Variants in CRYBG1 observed in about 807,000 individuals in gnomAD.
The protein encoded by CRYBG1 is beta/gamma crystallin domain-containing protein 1.
In CRYBG1, 139 loss-of-function variants were observed where a neutral mutation model predicts 189.2. The observed-to-expected ratio is 0.73, with a 90% CI of 0.64 to 0.85. The LOEUF is 0.85. Ranked by LOEUF, CRYBG1 falls within the 40% of genes least tolerant of loss-of-function variation. The pLI is 0.00. For missense variants in CRYBG1, 2,611 were observed against 2,675.8 expected (o/e 0.98, Z 0.53); for synonymous variants, 1,023 against 1,017.1 (o/e 1.01, Z -0.11).
intron 2 of CRYBG1, among the ~76,000 whole-genome samples, chr6:106,452,558 G>T (rs992039479): frequency 2.6e-5 from 4 of 152,046 alleles, no homozygotes; most frequent in African/African-American, 9.7e-5. Context: ...TTAATGCAAA[G>T]GCATACAGAT....
At chr6:106,518,962 AAC>A (rs796643112) in intron 3 of CRYBG1, among the ~76,000 whole-genome samples, 167 bp from the exon 4 acceptor site, 114 of 109,698 alleles carry the variant, frequency 1.0e-3, no homozygotes, top group African/African-American at 4.1e-3. Context: ...TTGTCTTAAA[AAC>A]ACATGTGTGC....
At chr6:106,433,302 A>G (rs796730451) in intron 1 of CRYBG1, among the ~76,000 whole-genome samples, 2 of 152,218 alleles carry the variant, frequency 1.3e-5, no homozygotes, top group Non-Finnish European at 2.9e-5. Flanking sequence ...ATATAAGACA[A>G]TCTTCATACT....
intron 16 of CRYBG1, 45 bp from the exon 17 acceptor site, chr6:106,555,723 T>G: frequency 6.2e-7 from 1 of 1,601,658 alleles, no homozygotes; most frequent in Non-Finnish European, 8.5e-7. Context: ...ATAGGAGTGC[T>G]CAAGTTGCAT....
At chr6:106,504,665 A>ATG (rs1442914355) in intron 2 of CRYBG1, among the ~76,000 whole-genome samples, 1 of 21,420 alleles carries the variant, frequency 4.7e-5, no homozygotes, top group Non-Finnish European at 1.1e-4. Flanking sequence ...GTGTGTGTAT[A>ATG]TGTGTGTGTG....
chr6:106,475,951 C>A (rs1314741418), intron 2 of CRYBG1, among the ~76,000 whole-genome samples: 1 of 152,168 alleles, frequency 6.6e-6, no homozygotes, highest in Non-Finnish European at 1.5e-5. Flanking sequence ...CCACTGTGAA[C>A]AAATGATAGA....
At chr6:106,382,335 A>G (rs1190652833) in intron 1 of CRYBG1, among the ~76,000 whole-genome samples, 1 of 152,232 alleles carries the variant, frequency 6.6e-6, no homozygotes, top group East Asian at 1.9e-4. Context: ...TCTTCTTTTG[A>G]TAGAGAAAGA....
chr6:106,450,265 A>C (rs1178817257), intron 1 of CRYBG1, among the ~76,000 whole-genome samples: 1 of 151,540 alleles, frequency 6.6e-6, no homozygotes, highest in Non-Finnish European at 1.5e-5. Context: ...AATTATGCCC[A>C]TCTATATCTC....
intron 2 of CRYBG1, among the ~76,000 whole-genome samples, chr6:106,463,239 GAAAA>G (rs59862615): frequency 7.2e-6 from 1 of 139,244 alleles, no homozygotes; most frequent in Non-Finnish European, 1.6e-5. Flanking sequence ...AGGCAGGAAA[GAAAA>G]AAAAAAAAAC....
At chr6:106,436,290 A>G (rs895848504) in intron 1 of CRYBG1, among the ~76,000 whole-genome samples, 1 of 114,872 alleles carries the variant, frequency 8.7e-6, no homozygotes, top group Admixed American at 9.5e-5. Context: ...GTTGACATGC[A>G]ATCTCTTTTT....
chr6:106,516,656 T>C (rs1301663898), intron 3 of CRYBG1, among the ~76,000 whole-genome samples: 2 of 152,182 alleles, frequency 1.3e-5, no homozygotes, highest in Non-Finnish European at 2.9e-5. Flanking sequence ...ATGGATCTCA[T>C]GATAATTCAC....
intron 1 of CRYBG1, among the ~76,000 whole-genome samples, chr6:106,384,006 T>C (rs992854675): frequency 3.3e-5 from 5 of 152,324 alleles, no homozygotes; most frequent in Admixed American, 6.5e-5. Flanking sequence ...AAGCAAGTCT[T>C]CCTGCAGATG....
rs777426700 is a variant in CRYBG1 at position 106,512,333 on chromosome 6, T to A, written c.1216T>A (p.Trp406Arg). 1.9e-6 allele frequency: 3 copies of A among 1,609,896 alleles called. No individual in the cohort carries two copies. The East Asian group carries it at 6.7e-5, about 36-fold the overall frequency. ...TCCCAGAGCGGAAGATTGCGGTGAC[T>A]GGGACGACATGGAGAAGAGGTCCAG... is the stretch of plus-strand genomic sequence containing the variant. ...ITPRAEDCGDWDDMEKRSSGR... is the reference protein window; with the variant it reads ...ITPRAEDCGDRDDMEKRSSGR... Residue 406 changes from tryptophan (W) to arginine (R), a missense_variant, in exon 3 of 22, where the codon TGG becomes AGG. By Grantham distance (101) the Trp-to-Arg change is moderately radical. Transcript: ENST00000633556.
chr6:106,561,566 GCTTTTGAT>G, intron 20 of CRYBG1, 66 bp downstream of exon 20: 1 of 1,514,732 alleles, frequency 6.6e-7, no homozygotes, highest in Non-Finnish European at 8.9e-7. Flanking sequence ...CCTTTCATAT[GCTTTTGAT>G]CTTTTCTTCA....
chr6:106,425,123 G>T (rs75468013), intron 1 of CRYBG1, among the ~76,000 whole-genome samples: 2,544 of 152,132 alleles, frequency 0.017, 32 homozygotes, highest in South Asian at 0.043. Context: ...GCTCCTCCTG[G>T]CTCTTTCCAG....
chr6:106,365,450 C>A (rs1317533974), intron 1 of CRYBG1, among the ~76,000 whole-genome samples: 4 of 23,882 alleles, frequency 1.7e-4, no homozygotes, highest in Non-Finnish European at 5.5e-4. Context: ...CGAAACAAAA[C>A]CAAAAAAAAA....
intron 2 of CRYBG1, among the ~76,000 whole-genome samples, chr6:106,490,091 A>G (rs963448856): frequency 2.0e-5 from 3 of 152,246 alleles, no homozygotes; most frequent in Non-Finnish European, 2.9e-5. Context: ...TCCTTAGTCC[A>G]CATTACAGTT....
rs10526546 is a variant in CRYBG1 at position 106,422,321 on chromosome 6, G to GTTAT, written c.174-29350_174-29347dup. On this transcript the variant is annotated intron_variant, in intron 1 of 21. Transcript: ENST00000633556. ...CTAATCAAAATCCCAATAGGGTTTT[G>GTTAT]TTATTTATTTATTTATTTATTTATT... Among the ~76,000 whole-genome samples the GTTAT allele has an allele frequency of 8.4e-3, 1,191 of 142,494 alleles. 28 individuals are homozygous for GTTAT. The highest frequency in any genetic ancestry group is 0.029 in the African/African-American group (1,083 of 37,334). The allele number at this position is 142,494 out of a possible 152,430, so 93.5% of individuals were successfully genotyped here. A position where few individuals can be genotyped will look rare whatever the true frequency, so the allele number is the denominator to read the frequency against.
In CRYBG1 at chr6:106,423,168, T is replaced by C. The variant is rs188259634; in HGVS notation, c.174-28526T>C. Among the ~76,000 whole-genome samples, 8 of 151,988 alleles carry C rather than the reference T, an allele frequency of 5.3e-5. No individual in the cohort carries two copies. In the East Asian group the frequency reaches 1.5e-3, roughly 29 times the overall value. The stretch of plus-strand genomic sequence containing the variant: ...ATGAATTGACTTCAGAGAATCACAG[T>C]TGGGTTGAAATAGTAGCAGGATTAA... On this transcript the variant is annotated intron_variant, in intron 1 of 21. Transcript: ENST00000633556.
chr6:106,463,589 T>C (rs916069712), intron 2 of CRYBG1, among the ~76,000 whole-genome samples: 46 of 152,260 alleles, frequency 3.0e-4, no homozygotes, highest in Admixed American at 4.6e-4. Flanking sequence ...TGTGTGTGTA[T>C]GAAGCACACT....
Sources: allele counts gnomAD v4.1 joint callset (sites outside exome capture counted in the v4.1 genomes callset), GRCh38; gene constraint gnomAD v4.1.1; transcripts MANE v1.5; gene names NCBI Gene and HGNC (gene_info 2026-07-23, HGNC 2026-07-21).